EPG5: variants seen among roughly 807,000 people sequenced by gnomAD.
EPG5 encodes ectopic P granules protein 5 homolog.
Under a neutral mutation model 302.7 loss-of-function variants are expected in EPG5, and 159 were observed. That is an observed-to-expected ratio of 0.53 (90% confidence interval 0.46 to 0.60). The LOEUF (loss-of-function observed/expected upper bound fraction) is 0.60. EPG5 is among the 20% of genes least tolerant of loss of function. The pLI is 0.00. For synonymous variants in EPG5, 1,158 were observed against 1,136.8 expected, an observed-to-expected ratio of 1.02 and a Z score of -0.37; for missense variants, 2,896 against 3,092.4, an observed-to-expected ratio of 0.94 and a Z score of 1.51.
At chr18:45,834,502 G>C in the EPG5 span, among the ~76,000 whole-genome samples, 1 of 152,350 alleles carries the variant, frequency 6.6e-6, no homozygotes, top group East Asian at 1.9e-4. Context: ...GAAAGACTCA[G>C]TGGAACCCTG....
chr18:45,837,783 G>C, the EPG5 span: 7 of 1,523,654 alleles, frequency 4.6e-6, no homozygotes, highest in African/African-American at 1.0e-4. Context: ...CTCTCGCTGC[G>C]CGTCGAGCGC....
Position 45,954,601 on chromosome 18 carries a change from T to C in EPG5, c.801A>G (p.Ser267=). ...AATATGACTCAACATTTTCCAGCCATGAACCAGGCTCCAAGATTTTTAGCT... is the reference window on the plus strand; with the variant it reads ...AATATGACTCAACATTTTCCAGCCACGAACCAGGCTCCAAGATTTTTAGCT... The part of the protein sequence containing the change: ...KEQLKILEPG[S]WLENVESYLE... Residue 267 remains serine, a synonymous_variant, in exon 2 of 44, where the codon TCA becomes TCG. Transcript: ENST00000282041. 4.3e-6 allele frequency: 7 copies of C among 1,614,276 alleles called. No individual in the cohort carries two copies. Among genetic ancestry groups the C allele is most frequent in the Non-Finnish European group, 5.9e-6 (7 of 1,180,046 alleles).
In EPG5 at chr18:45,860,251, G is replaced by C; in HGVS notation, c.6862C>G (p.Leu2288Val). The C allele has an allele frequency of 6.2e-7, 1 of 1,614,224 alleles. No homozygotes were observed. Among genetic ancestry groups the C allele is most frequent in the Non-Finnish European group, 8.5e-7 (1 of 1,180,034 alleles). ...NNATIPTAEF[L>V]RGSIRTWIGQ... ...ATCCAGGTCCGGATACTGCCCCGAA[G>C]GAACTCTGCTGTTGGAATAGTCGCG... The change falls in exon 40 of 44, where the codon CTT (leucine) becomes GTT (valine). Residue 2288 changes from leucine to valine, a missense_variant. Transcript: ENST00000282041.
At chr18:45,890,622 T>C (rs1318596224) in intron 27 of EPG5, among the ~76,000 whole-genome samples, 2 of 152,250 alleles carry the variant, frequency 1.3e-5, no homozygotes, top group Non-Finnish European at 2.9e-5. Context: ...GATTATCCTT[T>C]TTTAAGATTA....
chr18:45,837,135 G>T, the EPG5 span: 6 of 1,607,294 alleles, frequency 3.7e-6, no homozygotes, highest in Non-Finnish European at 5.1e-6. Context: ...TTGGGAGTCT[G>T]TTTTAACCAC....
Position 45,917,832 on chromosome 18 carries a change from A to G in EPG5, c.3099-13T>C. The G allele has an allele frequency of 6.2e-7, 1 of 1,613,960 alleles. No homozygotes were observed. The highest frequency in any genetic ancestry group is 8.5e-7 in the Non-Finnish European group (1 of 1,179,874). On this transcript the variant is annotated splice_polypyrimidine_tract_variant and intron_variant, in intron 16 of 43. Transcript: ENST00000282041. ...GAACTTCTCAATGCTATGGAAAAAG[A>G]GAAAGGCACTGAATACACAAGGGAG... is the stretch of plus-strand genomic sequence containing the variant.
intron 21 of EPG5, among the ~76,000 whole-genome samples, chr18:45,913,086 G>A (rs1157852786): frequency 7.3e-6 from 1 of 136,128 alleles, no homozygotes; most frequent in Admixed American, 7.7e-5. Flanking sequence ...GCAAGACTCT[G>A]TCTCAAAAAA....
chr18:45,809,721 C>T, the EPG5 span, among the ~76,000 whole-genome samples: 14 of 152,264 alleles, frequency 9.2e-5, no homozygotes, highest in East Asian at 7.7e-4. Context: ...ACAGCAAAGG[C>T]GGTGCTAAGA....
In EPG5 at chr18:45,955,063, C is replaced by A. The variant is rs748481509; in HGVS notation, c.339G>T (p.Val113=). ...PKEGGEARPC[V]GDSAVTPKVH... Reference sequence around the variant, plus strand: ...CCTTTGGAGTGACTGCACTGTCCCCCACACAGGGTCTGGCCTCTCCCCCTT... The same window carrying A: ...CCTTTGGAGTGACTGCACTGTCCCCAACACAGGGTCTGGCCTCTCCCCCTT... Residue 113 remains valine, a synonymous_variant, in exon 2 of 44, where the codon GTG becomes GTT. Transcript: ENST00000282041. The A allele has an allele frequency of 2.5e-6, 4 of 1,614,118 alleles. No homozygotes were observed. The highest frequency in any genetic ancestry group is 3.3e-5 in the Admixed American group (2 of 60,022).
In EPG5 at chr18:45,896,043, A is replaced by C. The variant is rs149976006; in HGVS notation, c.4809+3361T>G. Among the ~76,000 whole-genome samples the C allele has an allele frequency of 7.2e-5, 11 of 152,340 alleles. No homozygotes were observed. In the East Asian group the frequency reaches 1.7e-3, roughly 24 times the overall value. ...GCAGGTAGAGTTTCAGCTTTCCTCT[A>C]TCTTGCCCTTTGCCATTAATGTGTA... On this transcript the variant is annotated intron_variant, in intron 27 of 43. Coordinates refer to ENST00000282041, the MANE Select transcript of EPG5 (RefSeq NM_020964.3).
intron 28 of EPG5, among the ~76,000 whole-genome samples, chr18:45,888,731 C>T (rs564826187): frequency 4.9e-4 from 75 of 152,332 alleles, no homozygotes; most frequent in African/African-American, 1.7e-3. Flanking sequence ...TGAGCCACTG[C>T]ATCTGGCCGA....
In EPG5 at chr18:45,946,541, T is replaced by C. The variant is rs1250229425; in HGVS notation, c.1677+122A>G. On this transcript the variant is annotated intron_variant, in intron 7 of 43. Coordinates refer to ENST00000282041, the MANE Select transcript of EPG5 (RefSeq NM_020964.3). ...CTATAAAATAGGAATCATAAGTCTT[T>C]ACCTCATGGAGTTGCTGAGAGAATT... 5 of 702,056 alleles carry C rather than the reference T, an allele frequency of 7.1e-6. No homozygotes were observed. The East Asian group carries it at 1.1e-4, about 15-fold the overall frequency. The allele number at this position is 702,056 out of a possible 1,614,324, so 43.5% of individuals were successfully genotyped here. A position where few individuals can be genotyped will look rare whatever the true frequency, so the allele number is the denominator to read the frequency against.
In EPG5 at chr18:45,910,523, C is replaced by T. The variant is rs769022511; in HGVS notation, c.4203G>A (p.Val1401=). The T allele has an allele frequency of 1.2e-6, 2 of 1,604,834 alleles. No homozygotes were observed. The highest frequency in any genetic ancestry group is 1.7e-6 in the Non-Finnish European group (2 of 1,176,076). Reference sequence around the variant, plus strand: ...GGTGGCTAAATAACCATACTCACCTCACCAGCTCCTTGTGCAGTTCTGGTG... The same window carrying T: ...GGTGGCTAAATAACCATACTCACCTTACCAGCTCCTTGTGCAGTTCTGGTG... The part of the protein sequence containing the change: ...LTSPELHKEL[V]RLFNVYILWL... The change falls in exon 23 of 44, where the codon GTG becomes GTA. Residue 1401 remains valine, a splice_region_variant and synonymous_variant. Coordinates refer to ENST00000282041, the MANE Select transcript of EPG5 (RefSeq NM_020964.3).
chr18:45,903,955 G>A lies in EPG5; in HGVS notation c.4474+18C>T. 1 of 1,591,958 alleles carries A rather than the reference G, an allele frequency of 6.3e-7. No homozygotes were observed. The highest frequency in any genetic ancestry group is 8.5e-7 in the Non-Finnish European group (1 of 1,174,288). On this transcript the variant is annotated intron_variant, in intron 25 of 43. Coordinates refer to ENST00000282041, the MANE Select transcript of EPG5 (RefSeq NM_020964.3). ...ATTCATTCACTCATTCGAAGGGGCA[G>A]GTGCTCCCAGGACCCACCCAGCAAA... is the stretch of plus-strand genomic sequence containing the variant.
chr18:45,905,849 A>G (rs974546334), intron 24 of EPG5, among the ~76,000 whole-genome samples: 2 of 152,230 alleles, frequency 1.3e-5, no homozygotes, highest in African/African-American at 4.8e-5. Context: ...AGTACCTACC[A>G]TGTACAAAGC....
At position 45,953,442 on chromosome 18, in the gene EPG5, T is replaced by C. The variant is rs1373853506; in HGVS notation, c.1009-799A>G. 3.0e-6 allele frequency: 3 copies of C among 985,274 alleles called. No individual in the cohort carries two copies. In the African/African-American group the frequency reaches 5.2e-5, roughly 17 times the overall value. The allele number at this position is 985,274 out of a possible 1,614,324, so 61.0% of individuals were successfully genotyped here. On this transcript the variant is annotated intron_variant, in intron 2 of 43. Coordinates refer to ENST00000282041, the MANE Select transcript of EPG5 (RefSeq NM_020964.3). ...TTTCCAAATATTTCCCTCCTTACTA[T>C]GTACAGAGATATACAGGTCTGCCAA...
intron 16 of EPG5, among the ~76,000 whole-genome samples, chr18:45,921,818 G>C (rs185162154): frequency 1.3e-5 from 2 of 152,066 alleles, no homozygotes; most frequent in Admixed American, 6.6e-5. Context: ...GTCATGGGGT[G>C]GGGGGCTGGG....
intron 34 of EPG5, among the ~76,000 whole-genome samples, 176 bp downstream of exon 34, chr18:45,878,200 C>A (rs1388604499): frequency 6.6e-6 from 1 of 152,158 alleles, no homozygotes; most frequent in African/African-American, 2.4e-5. Context: ...ATGATCCAGA[C>A]TAGCAATTCC....
chr18:45,880,564 T>C (rs1477279672), intron 31 of EPG5, among the ~76,000 whole-genome samples: 2 of 151,986 alleles, frequency 1.3e-5, no homozygotes, highest in African/African-American at 4.8e-5. Flanking sequence ...CAGCTATCTA[T>C]GAGTGTGACA....
Sources: allele counts gnomAD v4.1 joint callset (sites outside exome capture counted in the v4.1 genomes callset), GRCh38; gene constraint gnomAD v4.1.1; transcripts MANE v1.5; gene names NCBI Gene and HGNC (gene_info 2026-07-23, HGNC 2026-07-21).